TTLL11: variants seen among roughly 807,000 people sequenced by gnomAD.
The protein encoded by TTLL11 is tubulin polyglutamylase TTLL11.
Under a neutral mutation model 51.7 loss-of-function variants are expected in TTLL11, and 42 were observed. The ratio of observed to expected loss-of-function variants is 0.81; its 90% CI spans 0.64 to 1.05. The LOEUF (loss-of-function observed/expected upper bound fraction) is 1.05, where lower values mean the gene tolerates loss of function less well. TTLL11 is among the 50% of genes least tolerant of loss of function. The pLI, the probability that TTLL11 is intolerant of heterozygous loss-of-function variation, is 0.00. For missense variants in TTLL11, 799 were observed against 940.4 expected, an observed-to-expected ratio of 0.85 and a Z score of 1.97; for synonymous variants, 381 against 383.5, an observed-to-expected ratio of 0.99 and a Z score of 0.08.
chr9:121,942,738 ATTTTTTTTT>A (rs34352222), intron 6 of TTLL11, among the ~76,000 whole-genome samples: 76 of 97,876 alleles, frequency 7.8e-4, no homozygotes, highest in African/African-American at 1.1e-3. Context: ...AATCTGTCTT[ATTTTTTTTT>A]TTTTTTTTTT....
Position 121,965,537 on chromosome 9 carries a change from G to A in TTLL11, c.1481+8472C>T, listed in dbSNP as rs192499837. Among the ~76,000 whole-genome samples the A allele has an allele frequency of 3.9e-5, 6 of 152,234 alleles. No individual in the cohort carries two copies. In the East Asian group the frequency reaches 7.7e-4, roughly 20 times the overall value. On this transcript the variant is annotated intron_variant, in intron 6 of 8. Transcript: ENST00000321582. The stretch of plus-strand genomic sequence containing the variant: ...CCAGGTCTTGTGGGGATTACAATCC[G>A]AGATGAGATTTGGGTAGGGACACAG...
chr9:121,881,792 A>G (rs1361339249), intron 6 of TTLL11, among the ~76,000 whole-genome samples: 2 of 152,194 alleles, frequency 1.3e-5, no homozygotes, highest in East Asian at 3.8e-4. Context: ...GAAAAAGGGA[A>G]TCACTCTTAG....
chr9:121,873,495 A>AG (rs564803353), intron 6 of TTLL11, among the ~76,000 whole-genome samples: 85 of 148,008 alleles, frequency 5.7e-4, no homozygotes, highest in Non-Finnish European at 1.1e-3. Flanking sequence ...TATTTTTAGT[A>AG]GAGACAGGGT....
At chr9:122,040,898 A>C (rs542857400) in intron 1 of TTLL11, among the ~76,000 whole-genome samples, 1 of 152,368 alleles carries the variant, frequency 6.6e-6, no homozygotes, top group Admixed American at 6.5e-5. Flanking sequence ...AAATACAATG[A>C]GATACAACAT....
At chr9:121,832,519 A>C (rs543117846) in intron 8 of TTLL11, among the ~76,000 whole-genome samples, 3 of 152,266 alleles carry the variant, frequency 2.0e-5, no homozygotes, top group African/African-American at 7.2e-5. Flanking sequence ...TCAGACAAAA[A>C]CCTTAGGAAG....
intron 7 of TTLL11, among the ~76,000 whole-genome samples, chr9:121,867,949 A>G (rs1838229888): frequency 6.6e-6 from 1 of 152,018 alleles, no homozygotes; most frequent in Admixed American, 6.6e-5. Flanking sequence ...ACCAGACATA[A>G]TCCTTTATAG....
At chr9:122,060,875 G>C (rs1845417558) in intron 1 of TTLL11, among the ~76,000 whole-genome samples, 1 of 151,298 alleles carries the variant, frequency 6.6e-6, no homozygotes, top group African/African-American at 2.5e-5. Flanking sequence ...GGTATTCCTG[G>C]GGTATGGGAG....
Position 121,957,054 on chromosome 9 carries a change from C to T in TTLL11, c.1481+16955G>A, listed in dbSNP as rs181973151. Among the ~76,000 whole-genome samples the T allele has an allele frequency of 1.4e-4, 22 of 152,340 alleles. No homozygotes were observed. The East Asian group carries it at 4.1e-3, about 28-fold the overall frequency. ...ATGCCCCGCTGTGCCCTCCCCACTG[C>T]ATGTTGGCCCAGCTGGCTGTTCTAA... On this transcript the variant is annotated intron_variant, in intron 6 of 8. Coordinates refer to ENST00000321582, the MANE Select transcript of TTLL11 (RefSeq NM_001139442.2).
At chr9:121,910,221 C>G (rs1193445126) in intron 6 of TTLL11, among the ~76,000 whole-genome samples, 4 of 152,172 alleles carry the variant, frequency 2.6e-5, no homozygotes, top group Non-Finnish European at 2.9e-5. Flanking sequence ...GAAAATTAAT[C>G]TCTTTGGGTT....
At chr9:122,075,922 C>T (rs1845846189) in intron 1 of TTLL11, among the ~76,000 whole-genome samples, 1 of 151,942 alleles carries the variant, frequency 6.6e-6, no homozygotes, top group East Asian at 1.9e-4. Flanking sequence ...TTAAGGAAAA[C>T]AGTCATTTAG....
At chr9:122,070,380 G>T (rs531908408) in intron 1 of TTLL11, among the ~76,000 whole-genome samples, 1 of 152,216 alleles carries the variant, frequency 6.6e-6, no homozygotes, top group African/African-American at 2.4e-5. Context: ...CCTGGCAGGG[G>T]TGAGGCTGGC....
chr9:122,047,276 G>A (rs1845034518), intron 1 of TTLL11, among the ~76,000 whole-genome samples: 1 of 152,208 alleles, frequency 6.6e-6, no homozygotes, highest in South Asian at 2.1e-4. Flanking sequence ...TCCCGAGGAT[G>A]GGCAATTTGA....
intron 1 of TTLL11, among the ~76,000 whole-genome samples, chr9:122,063,990 C>T (rs1002356205): frequency 6.6e-6 from 1 of 152,190 alleles, no homozygotes. Context: ...GAATTTAGTT[C>T]ACTTAATATC....
Position 121,820,919 on chromosome 9 carries a change from C to T in TTLL11, c.*1668G>A, listed in dbSNP as rs1400149232. On this transcript the variant is annotated 3_prime_UTR_variant, in exon 9 of 9. Coordinates refer to ENST00000321582, the MANE Select transcript of TTLL11 (RefSeq NM_001139442.2). Reference sequence around the variant, plus strand: ...CTCTAGGCTGGGGAAGGGCAGCGGCCTTTGGGCTCTGCTAGCAGCAGGGAA... The same window carrying T: ...CTCTAGGCTGGGGAAGGGCAGCGGCTTTTGGGCTCTGCTAGCAGCAGGGAA... 6.7e-6 allele frequency among the ~76,000 whole-genome samples: 1 copy of T among 149,540 alleles called. No individual in the cohort carries two copies. The highest frequency in any genetic ancestry group is 1.5e-5 in the Non-Finnish European group (1 of 67,512).
Position 121,817,297 on chromosome 9 carries a change from T to A in TTLL11, c.*5290A>T, listed in dbSNP as rs908361563. The A allele has an allele frequency of 2.6e-5, 4 of 151,932 alleles. No homozygotes were observed. Among genetic ancestry groups the A allele is most frequent in the Non-Finnish European group, 5.9e-5 (4 of 68,002 alleles). 9.4% of individuals were successfully genotyped at this position (151,932 alleles called of 1,614,324 possible). On this transcript the variant is annotated 3_prime_UTR_variant, in exon 9 of 9. Coordinates refer to ENST00000321582, the MANE Select transcript of TTLL11 (RefSeq NM_001139442.2). ...GTGGGAATGAAGGGGAGGTGGGGCG[T>A]TGGGGGGAGGGCAGGAGGAGCTGAC...
At chr9:122,092,602 G>C in intron 1 of TTLL11, 85 bp downstream of exon 1, 2 of 1,508,768 alleles carry the variant, frequency 1.3e-6, no homozygotes, top group Middle Eastern at 2.4e-4. Flanking sequence ...CTCGCCCGCC[G>C]ACCTGACCTG....
At position 122,045,530 on chromosome 9, in the gene TTLL11, G is replaced by A. The variant is rs56792155; in HGVS notation, c.463-6162C>T. Among the ~76,000 whole-genome samples the A allele has an allele frequency of 3.2e-3, 483 of 152,148 alleles. 5 individuals carry two copies. Among genetic ancestry groups the A allele is most frequent in the African/African-American group, 0.011 (461 of 41,504 alleles). On this transcript the variant is annotated intron_variant, in intron 1 of 8. Transcript: ENST00000321582. ...CACGCCACTGCACTCCAGCCTGGGCGATAGAGTGAGACTCCATCGCAAAAA... is the reference window on the plus strand; with the variant it reads ...CACGCCACTGCACTCCAGCCTGGGCAATAGAGTGAGACTCCATCGCAAAAA...
intron 8 of TTLL11, among the ~76,000 whole-genome samples, chr9:121,840,009 G>C (rs898659236): frequency 6.6e-6 from 1 of 152,220 alleles, no homozygotes; most frequent in East Asian, 1.9e-4. Context: ...TGAGAGAGAA[G>C]AGAAATGCTC....
At chr9:121,837,489 C>A (rs147985039) in intron 8 of TTLL11, among the ~76,000 whole-genome samples, 5 of 151,838 alleles carry the variant, frequency 3.3e-5, no homozygotes. Context: ...GTGCTGTGGG[C>A]GGTCTGGCAG....
Sources: allele counts gnomAD v4.1 joint callset (sites outside exome capture counted in the v4.1 genomes callset), GRCh38; gene constraint gnomAD v4.1.1; transcripts MANE v1.5; gene names NCBI Gene and HGNC (gene_info 2026-07-23, HGNC 2026-07-21).